Variants in NCAM2 observed in about 807,000 individuals in gnomAD.
NCAM2 encodes the protein N-CAM-2.
NCAM2 carries 30 observed loss-of-function variants against 98.1 expected under a neutral mutation model. That is an observed-to-expected ratio of 0.31 (90% CI 0.23 to 0.41). The LOEUF is 0.41. Ranked by LOEUF, NCAM2 falls within the 10% of genes least tolerant of loss-of-function variation. The pLI is 1.00. For synonymous variants in NCAM2, 368 were observed against 342.4 expected, an observed-to-expected ratio of 1.07 and a Z score of -0.83; for missense variants, 867 against 1,005.8, an observed-to-expected ratio of 0.86 and a Z score of 1.87.
chr21:20,998,734 C>CTGT, intron 1 of NCAM2, 116 bp downstream of exon 1: 1 of 980,658 alleles, frequency 1.0e-6, no homozygotes, highest in South Asian at 1.5e-5. Context: ...ACAGTTATTG[C>CTGT]TGTTGTTGTT....
chr21:21,158,380 A>G (rs893971325), intron 1 of NCAM2, among the ~76,000 whole-genome samples: 5 of 152,110 alleles, frequency 3.3e-5, no homozygotes, highest in African/African-American at 1.2e-4. Flanking sequence ...TGGGAGACCA[A>G]GGTGGGCAGA....
chr21:21,384,220 T>C (rs1011070806), intron 9 of NCAM2, among the ~76,000 whole-genome samples: 14 of 151,954 alleles, frequency 9.2e-5, no homozygotes, highest in Non-Finnish European at 2.1e-4. Flanking sequence ...CAAAAGAAAA[T>C]CTTTAAGATC....
At chr21:21,005,900 G>A (rs1274381956) in intron 1 of NCAM2, among the ~76,000 whole-genome samples, 2 of 151,946 alleles carry the variant, frequency 1.3e-5, no homozygotes, top group East Asian at 1.9e-4. Flanking sequence ...GTCCAAGGGA[G>A]GAAAAAAAGA....
chr21:21,468,578 C>T lies in NCAM2; in HGVS notation c.1775-84C>T, dbSNP rs1984024398. On this transcript the variant is annotated intron_variant, in intron 13 of 17. Coordinates refer to ENST00000400546, the MANE Select transcript of NCAM2 (RefSeq NM_004540.5). ...AGGATAACACCATATATTTTGATTA[C>T]ATTACTGTTCTTTTTATTAAAATAT... is the stretch of plus-strand genomic sequence containing the variant. The T allele has an allele frequency of 2.3e-6, 3 of 1,321,820 alleles. No individual in the cohort carries two copies. The East Asian group carries it at 7.6e-5, about 34-fold the overall frequency. The allele number at this position is 1,321,820 out of a possible 1,614,324, so 81.9% of individuals were successfully genotyped here.
intron 1 of NCAM2, among the ~76,000 whole-genome samples, chr21:21,058,072 C>T (rs2065248982): frequency 6.8e-6 from 1 of 147,542 alleles, no homozygotes; most frequent in South Asian, 2.1e-4. Flanking sequence ...TCACTAATGC[C>T]CAGTAACTCT....
At chr21:21,108,713 AT>A (rs1189777553) in intron 1 of NCAM2, among the ~76,000 whole-genome samples, 1 of 152,092 alleles carries the variant, frequency 6.6e-6, no homozygotes, top group Non-Finnish European at 1.5e-5. Flanking sequence ...GAATAAGGAC[AT>A]TTCTACCAGG....
intron 16 of NCAM2, among the ~76,000 whole-genome samples, chr21:21,522,612 C>CT (rs1989083770): frequency 3.4e-5 from 4 of 117,808 alleles, no homozygotes; most frequent in Non-Finnish European, 7.0e-5. Flanking sequence ...TGAACAAGTT[C>CT]TTTTTTTCTT....
chr21:21,029,082 A>C lies in NCAM2; in HGVS notation c.55+30464A>C, dbSNP rs1568943594. On this transcript the variant is annotated intron_variant, in intron 1 of 17. Coordinates refer to ENST00000400546, the MANE Select transcript of NCAM2 (RefSeq NM_004540.5). ...ATGAGTAACATGTTTTAGTGTAGGT[A>C]ACAAGGTTATGTGGTAATTGATAAA... 7.2e-5 allele frequency among the ~76,000 whole-genome samples: 11 copies of C among 152,310 alleles called. No individual in the cohort carries two copies. In the South Asian group the frequency reaches 1.9e-3, roughly 26 times the overall value.
chr21:21,225,459 A>G (rs986396559), intron 1 of NCAM2, among the ~76,000 whole-genome samples: 2 of 152,092 alleles, frequency 1.3e-5, no homozygotes, highest in African/African-American at 4.8e-5. Flanking sequence ...TTTGAAGGTG[A>G]TGAAATTTAC....
intron 12 of NCAM2, among the ~76,000 whole-genome samples, chr21:21,437,231 T>G (rs1978493569): frequency 6.6e-6 from 1 of 152,104 alleles, no homozygotes; most frequent in Admixed American, 6.6e-5. Context: ...GTTGTTATTG[T>G]TGTTTTTAAG....
chr21:21,123,319 G>A (rs935149324), intron 1 of NCAM2, among the ~76,000 whole-genome samples: 1 of 151,750 alleles, frequency 6.6e-6, no homozygotes, highest in African/African-American at 2.4e-5. Context: ...GCGTGAACCC[G>A]GGGGGAGGCG....
Position 21,265,210 on chromosome 21 carries a change from ATATAGTATAT to A in NCAM2, c.56-15363_56-15354del, listed in dbSNP as rs1185609862. 1.1e-3 allele frequency among the ~76,000 whole-genome samples: 141 copies of A among 124,448 alleles called. 2 individuals are homozygous for A. Among genetic ancestry groups the A allele is most frequent in the African/African-American group, 4.0e-3 (135 of 33,860 alleles). The allele number at this position is 124,448 out of a possible 152,430, so 81.6% of individuals were successfully genotyped here. ...AATATATGTGTGTATGTATGTGTGT[ATATAGTATAT>A]TATATTATATATATGCATGTGTATG... On this transcript the variant is annotated intron_variant, in intron 1 of 17. Coordinates refer to ENST00000400546, the MANE Select transcript of NCAM2 (RefSeq NM_004540.5).
rs1251429401 is a variant in NCAM2, at chr21:21,541,279, G to A, written c.*3322G>A. On this transcript the variant is annotated 3_prime_UTR_variant, in exon 18 of 18. Transcript: ENST00000400546. ...AAAACTACAATTAACATCATTACTA[G>A]TATATTTTGCTTAGATTTGAGATAC... 6.6e-6 allele frequency: 1 copy of A among 151,386 alleles called. No homozygotes were observed. Among genetic ancestry groups the A allele is most frequent in the Non-Finnish European group, 1.5e-5 (1 of 67,682 alleles). 9.4% of individuals were successfully genotyped at this position (151,386 alleles called of 1,614,324 possible).
chr21:21,029,429 G>C (rs1309316372), intron 1 of NCAM2, among the ~76,000 whole-genome samples: 1 of 152,078 alleles, frequency 6.6e-6, no homozygotes, highest in East Asian at 1.9e-4. Flanking sequence ...TCTGTGCTGG[G>C]ATGCCTGCCA....
chr21:21,479,078 C>T (rs1189173536), intron 15 of NCAM2, among the ~76,000 whole-genome samples: 2 of 152,038 alleles, frequency 1.3e-5, no homozygotes, highest in African/African-American at 4.8e-5. Context: ...AAAATTGCAA[C>T]AGTATATACT....
chr21:21,405,518 A>G (rs73324838), intron 9 of NCAM2, among the ~76,000 whole-genome samples: 12,638 of 152,204 alleles, frequency 0.083, 1,219 homozygotes, highest in African/African-American at 0.23. Context: ...AAGTGTCTTT[A>G]AAATCAATTA....
intron 9 of NCAM2, among the ~76,000 whole-genome samples, chr21:21,409,056 A>G (rs1359343335): frequency 2.6e-5 from 4 of 151,986 alleles, no homozygotes; most frequent in Admixed American, 6.6e-5. Context: ...AGTTCTAAGT[A>G]GTTAATATTA....
At chr21:21,028,354 G>A (rs753974800) in intron 1 of NCAM2, among the ~76,000 whole-genome samples, 5 of 152,230 alleles carry the variant, frequency 3.3e-5, no homozygotes, top group African/African-American at 7.2e-5. Context: ...ATCATAATCC[G>A]ATTCAAAAAT....
At chr21:21,334,127 T>C (rs1476118584) in intron 6 of NCAM2, among the ~76,000 whole-genome samples, 1 of 152,016 alleles carries the variant, frequency 6.6e-6, no homozygotes, top group Non-Finnish European at 1.5e-5. Flanking sequence ...GAGATGGAGT[T>C]TCACTATGTT....
Sources: gnomAD v4.1 joint callset for allele counts (sites outside exome capture counted in the v4.1 genomes callset) on GRCh38, gnomAD v4.1.1 for gene constraint, MANE v1.5 for transcripts, NCBI Gene and HGNC (gene_info 2026-07-23, HGNC 2026-07-21) for gene names.